Variants in CCDC66 observed in about 807,000 individuals in gnomAD.
The protein encoded by CCDC66 is coiled-coil domain containing 66.
A neutral mutation model predicts 128.3 loss-of-function variants in CCDC66; 133 were observed. The ratio of observed to expected loss-of-function variants is 1.04; its 90% CI spans 0.90 to 1.20. The LOEUF is 1.20. CCDC66 is among the 50% of genes most tolerant of loss of function. The pLI, the probability that CCDC66 is intolerant of heterozygous loss-of-function variation, is 0.00. For missense variants in CCDC66, 1,126 were observed against 1,075.5 expected (o/e 1.05, Z -0.66); for synonymous variants, 387 against 357.0 (o/e 1.08, Z -0.95).
chr3:56,615,134 A>G lies in CCDC66; in HGVS notation c.1573A>G (p.Met525Val). 6.2e-7 allele frequency: 1 copy of G among 1,613,420 alleles called. No individual in the cohort carries two copies. Among genetic ancestry groups the G allele is most frequent in the Non-Finnish European group, 8.5e-7 (1 of 1,179,748 alleles). The change falls in exon 12 of 18, where the codon ATG becomes GTG. Residue 525 changes from methionine to valine, a missense_variant. Coordinates refer to ENST00000394672, the MANE Select transcript of CCDC66 (RefSeq NM_001141947.3). ...AACACATCAATATTGACAGGAAATC[A>G]TGACTCTCAAGACAAATGAGCTATT... ...ILKQKQKEEI[M>V]TLKTNELFQT... is the part of the protein sequence containing the mutation.
At chr3:56,583,444 C>G (rs977372107) in intron 7 of CCDC66, among the ~76,000 whole-genome samples, 1 of 151,756 alleles carries the variant, frequency 6.6e-6, no homozygotes. Flanking sequence ...GAGGACCCTG[C>G]GGCCTTCCGC....
intron 4 of CCDC66, among the ~76,000 whole-genome samples, chr3:56,564,823 T>A (rs978937815): frequency 3.9e-5 from 6 of 152,108 alleles, no homozygotes; most frequent in African/African-American, 1.2e-4. Context: ...CCACAAATGG[T>A]TTGGGGACCC....
chr3:56,617,759 G>A, intron 14 of CCDC66, 154 bp downstream of exon 14: 1 of 901,586 alleles, frequency 1.1e-6, no homozygotes, highest in Non-Finnish European at 1.6e-6. Flanking sequence ...GCTGCTGCCT[G>A]TTTTTGGAAA....
At chr3:56,586,071 C>T (rs1002622490) in intron 7 of CCDC66, among the ~76,000 whole-genome samples, 4 of 151,908 alleles carry the variant, frequency 2.6e-5, no homozygotes, top group Non-Finnish European at 5.9e-5. Flanking sequence ...TATTGTCTCA[C>T]TCTGGTGAAG....
intron 10 of CCDC66, among the ~76,000 whole-genome samples, chr3:56,599,222 C>T (rs2072708903): frequency 6.6e-6 from 1 of 151,956 alleles, no homozygotes; most frequent in Admixed American, 6.6e-5. Context: ...TTCATAATAG[C>T]CTCTGATGAT....
At chr3:56,591,431 CAAG>C (rs1370737664) in intron 7 of CCDC66, among the ~76,000 whole-genome samples, 1 of 152,082 alleles carries the variant, frequency 6.6e-6, no homozygotes, top group Non-Finnish European at 1.5e-5. Flanking sequence ...GGTCACACTG[CAAG>C]AAGAAAAACG....
Position 56,571,083 on chromosome 3 carries a change from G to A in CCDC66, c.815-98G>A. 3.7e-6 allele frequency: 3 copies of A among 815,556 alleles called. No individual in the cohort carries two copies. In the East Asian group the frequency reaches 9.1e-5, roughly 25 times the overall value. 50.5% of individuals were successfully genotyped at this position (815,556 alleles called of 1,614,324 possible). ...CCTTCCTAAAAAAGAGTTTTGATTA[G>A]ATCTGTGTTGGTATCTGCATTAAGA... On this transcript the variant is annotated intron_variant, in intron 6 of 17. Transcript: ENST00000394672.
At chr3:56,611,827 G>T (rs1271518951) in intron 10 of CCDC66, among the ~76,000 whole-genome samples, 1 of 152,140 alleles carries the variant, frequency 6.6e-6, no homozygotes, top group African/African-American at 2.4e-5. Flanking sequence ...GTAAAGTCGG[G>T]AGCTTCTCCC....
chr3:56,579,228 G>A (rs62255977), intron 7 of CCDC66, among the ~76,000 whole-genome samples: 7,505 of 151,880 alleles, frequency 0.049, 251 homozygotes, highest in East Asian at 0.098. Context: ...ATGTTAGTTT[G>A]TATTTCTGTG....
At chr3:56,559,617 G>T in intron 3 of CCDC66, 23 bp downstream of exon 3, 1 of 1,509,124 alleles carries the variant, frequency 6.6e-7, no homozygotes, top group South Asian at 1.3e-5. Flanking sequence ...ACTTTGACCT[G>T]ACCTGTTTTC....
intron 7 of CCDC66, among the ~76,000 whole-genome samples, chr3:56,582,153 C>T (rs960086758): frequency 6.6e-6 from 1 of 151,940 alleles, no homozygotes; most frequent in African/African-American, 2.4e-5. Context: ...CCTTGCAGTT[C>T]AGTCTCAGAC....
At chr3:56,581,785 C>T (rs1365475774) in intron 7 of CCDC66, among the ~76,000 whole-genome samples, 1 of 151,868 alleles carries the variant, frequency 6.6e-6, no homozygotes, top group East Asian at 2.0e-4. Flanking sequence ...AGCTTCATCT[C>T]AGAGGGGCAC....
chr3:56,566,377 A>C (rs902520948), intron 4 of CCDC66, among the ~76,000 whole-genome samples: 3 of 152,102 alleles, frequency 2.0e-5, no homozygotes, highest in Admixed American at 2.0e-4. Context: ...TGCCCACGTC[A>C]GCCTTCCAAA....
At chr3:56,619,625 T>TTA in intron 16 of CCDC66, 98 bp downstream of exon 16, 2 of 1,492,400 alleles carry the variant, frequency 1.3e-6, no homozygotes, top group Non-Finnish European at 1.8e-6. Context: ...TGCACTTAGT[T>TTA]CTATAAAGTT....
Position 56,619,334 on chromosome 3 carries a change from T to C in CCDC66, c.2442T>C (p.His814=). 2 of 1,613,706 alleles carry C rather than the reference T, an allele frequency of 1.2e-6. No homozygotes were observed. The highest frequency in any genetic ancestry group is 1.7e-6 in the Non-Finnish European group (2 of 1,179,726). Residue 814 remains histidine, a synonymous_variant, in exon 16 of 18, where the codon CAT becomes CAC. Transcript: ENST00000394672. ...NRTQQTQNTL[H]LPLKNSSYER... Reference sequence around the variant, plus strand: ...CCCAACAAACTCAAAATACATTACATTTACCACTAAAAAACAGTAGCTATG... The same window carrying C: ...CCCAACAAACTCAAAATACATTACACTTACCACTAAAAAACAGTAGCTATG...
chr3:56,559,000 A>T, intron 2 of CCDC66, 90 bp downstream of exon 2: 1 of 878,196 alleles, frequency 1.1e-6, no homozygotes, highest in Non-Finnish European at 1.7e-6. Context: ...CTTGTAATAG[A>T]GTGATATTTA....
At chr3:56,584,800 A>G (rs192046355) in intron 7 of CCDC66, among the ~76,000 whole-genome samples, 4 of 152,048 alleles carry the variant, frequency 2.6e-5, no homozygotes, top group East Asian at 4.0e-4. Context: ...AGCCTGGGCA[A>G]CATTGAGCAC....
intron 10 of CCDC66, among the ~76,000 whole-genome samples, chr3:56,597,304 TTGTAA>T (rs1310559637): frequency 1.3e-5 from 2 of 152,110 alleles, no homozygotes; most frequent in Admixed American, 6.5e-5. Context: ...TCCTATAGTC[TTGTAA>T]TGTATTTTGA....
intron 12 of CCDC66, 110 bp downstream of exon 12, chr3:56,615,382 G>A (rs2075363139): frequency 9.5e-7 from 1 of 1,050,038 alleles, no homozygotes; most frequent in Non-Finnish European, 1.3e-6. Flanking sequence ...ACAGGCTAGA[G>A]TGCAGTGGTG....
Sources: allele counts gnomAD v4.1 joint callset (sites outside exome capture counted in the v4.1 genomes callset), GRCh38; gene constraint gnomAD v4.1.1; transcripts MANE v1.5; gene names NCBI Gene and HGNC (gene_info 2026-07-23, HGNC 2026-07-21).